Variants in FBXL3 observed in about 807,000 individuals in gnomAD.
FBXL3 encodes F-box and leucine rich repeat protein 3.
Under a neutral mutation model 37.9 loss-of-function variants are expected in FBXL3, and 14 were observed. The ratio of observed to expected loss-of-function variants is 0.37; its 90% CI spans 0.24 to 0.58. The LOEUF is 0.58. FBXL3 is among the 20% of genes least tolerant of loss of function. The pLI, the probability that FBXL3 is intolerant of heterozygous loss-of-function variation, is 0.74. For synonymous variants in FBXL3, 194 were observed against 180.1 expected, an observed-to-expected ratio of 1.08 and a Z score of -0.62; for missense variants, 327 against 511.1, an observed-to-expected ratio of 0.64 and a Z score of 3.47.
chr13:77,009,638 C>T (rs557532067), intron 4 of FBXL3: 18 of 152,294 alleles, frequency 1.2e-4, no homozygotes, highest in East Asian at 1.2e-3. Context: ...GAAATAGGAA[C>T]GCTATTACAG....
rs1455829706 is a variant in FBXL3, at chr13:77,007,064, A to C, written c.*81T>G. ...AAATTTCTGTGCCACAAAATAGTAG[A>C]ATTATATCAGAACTACAGCAAATAA... On this transcript the variant is annotated 3_prime_UTR_variant, in exon 5 of 5. Coordinates refer to ENST00000355619, the MANE Select transcript of FBXL3 (RefSeq NM_012158.4). 1 of 1,491,540 alleles carries C rather than the reference A, an allele frequency of 6.7e-7. No homozygotes were observed. Among genetic ancestry groups the C allele is most frequent in the East Asian group, 2.3e-5 (1 of 42,734 alleles). 92.4% of individuals were successfully genotyped at this position (1,491,540 alleles called of 1,614,324 possible).
At position 77,007,595 on chromosome 13, in the gene FBXL3, A is replaced by G. The variant is rs1566226097; in HGVS notation, c.837T>C (p.Ala279=). The part of the protein sequence containing the change: ...FHTIQKSSWD[A]FIRHSPKVNL... ...TCACTTTGGGTGAATGTCTGATGAA[A>G]GCATCCCAGCTACTCTTCTGAATAG... Residue 279 remains alanine (A), a synonymous_variant, in exon 5 of 5, where the codon GCT becomes GCC. Transcript: ENST00000355619. The G allele has an allele frequency of 1.2e-6, 2 of 1,614,090 alleles. No individual in the cohort carries two copies. The highest frequency in any genetic ancestry group is 1.7e-6 in the Non-Finnish European group (2 of 1,180,044).
chr13:77,023,345 A>AGAGAGAGTGTGTGTGTGT (rs199568005), intron 1 of FBXL3, among the ~76,000 whole-genome samples: 174 of 147,596 alleles, frequency 1.2e-3, no homozygotes, highest in Admixed American at 9.4e-3. Context: ...AGAGAGAGAG[A>AGAGAGAGTGTGTGTGTGT]GTGTGTGTGT....
chr13:77,017,456 CG>C (rs1566230394), intron 3 of FBXL3: 1 of 152,078 alleles, frequency 6.6e-6, no homozygotes, highest in Non-Finnish European at 1.5e-5. Flanking sequence ...TATTTCTTAG[CG>C]TGAGTTCCTT....
intron 2 of FBXL3, among the ~76,000 whole-genome samples, chr13:77,020,509 C>T (rs2154037617): frequency 6.6e-6 from 1 of 152,140 alleles, no homozygotes; most frequent in South Asian, 2.1e-4. Flanking sequence ...TTAGTTATGG[C>T]CAGAAGCTCT....
At chr13:77,020,603 T>C (rs987419264) in intron 2 of FBXL3, among the ~76,000 whole-genome samples, 1 of 7,912 alleles carries the variant, frequency 1.3e-4, no homozygotes, top group Non-Finnish European at 5.1e-4. Context: ...TATTCATGCA[T>C]TGTTTTTTTT....
At position 77,021,813 on chromosome 13, in the gene FBXL3, T is replaced by G. The variant is rs2034749541; in HGVS notation, c.48A>C (p.Gly16=). 1.2e-6 allele frequency: 2 copies of G among 1,613,470 alleles called. No homozygotes were observed. Among genetic ancestry groups the G allele is most frequent in the Admixed American group, 1.7e-5 (1 of 59,986 alleles). Residue 16 remains glycine (G), a synonymous_variant, in exon 2 of 5, where the codon GGA becomes GGC. Transcript: ENST00000355619. ...RDSDRNSSEE[G]TAEKSKKLRT... ...TCAGTTTCTTGGATTTCTCTGCAGT[T>G]CCTTCTTCTGATGAATTACGGTCAC...
intron 4 of FBXL3, chr13:77,012,778 G>A (rs964407747): frequency 6.6e-6 from 1 of 152,098 alleles, no homozygotes; most frequent in Non-Finnish European, 1.5e-5. Flanking sequence ...TATTACAAGT[G>A]TTCTTTCTTT....
chr13:77,023,895 G>C (rs1022491435), intron 1 of FBXL3, among the ~76,000 whole-genome samples: 1 of 152,218 alleles, frequency 6.6e-6, no homozygotes, highest in Non-Finnish European at 1.5e-5. Context: ...AAAGAGAATG[G>C]CAGAGGCCTC....
chr13:77,012,981 G>C (rs2034581334), intron 4 of FBXL3: 1 of 152,358 alleles, frequency 6.6e-6, no homozygotes, highest in African/African-American at 2.4e-5. Flanking sequence ...CACCATGTTG[G>C]CCAGGATGGT....
In FBXL3 at chr13:77,018,916, C is replaced by T. The variant is rs181583674; in HGVS notation, c.349-194G>A. 6.3e-5 allele frequency: 28 copies of T among 445,544 alleles called. 1 individual carries two copies. The highest frequency in any genetic ancestry group is 5.3e-4 in the African/African-American group (26 of 49,178). The allele number at this position is 445,544 out of a possible 1,614,324, so 27.6% of individuals were successfully genotyped here. On this transcript the variant is annotated intron_variant, in intron 2 of 4. Transcript: ENST00000355619. ...TTCTTTCAATCATCCACCCTCCACC[C>T]TCACCTCCAACTTGGCCTTTTCTAA...
rs373084825 is a variant in FBXL3 at position 77,005,883 on chromosome 13, T to TAAAA, written c.*1258_*1261dup. 1.0e-4 allele frequency: 16 copies of TAAAA among 152,566 alleles called. No homozygotes were observed. The highest frequency in any genetic ancestry group is 3.1e-4 in the African/African-American group (13 of 41,576). The allele number at this position is 152,566 out of a possible 1,614,324, so 9.5% of individuals were successfully genotyped here. A position where few individuals can be genotyped will look rare whatever the true frequency, so the allele number is the denominator to read the frequency against. On this transcript the variant is annotated 3_prime_UTR_variant, in exon 5 of 5. Transcript: ENST00000355619. ...CAGCATCAAAGTTTATATCATCTTT[T>TAAAA]AAAACTCAACATTTTATAGACTCTA...
chr13:77,025,027 A>C (rs1022123722), intron 1 of FBXL3, among the ~76,000 whole-genome samples: 1 of 152,230 alleles, frequency 6.6e-6, no homozygotes, highest in Non-Finnish European at 1.5e-5. Flanking sequence ...GTATCTTATT[A>C]AATCTATTTA....
rs1194181789 is a variant in FBXL3 at position 77,026,987 on chromosome 13, G to A, written c.-162C>T. On this transcript the variant is annotated 5_prime_UTR_variant, in exon 1 of 5. Coordinates refer to ENST00000355619, the MANE Select transcript of FBXL3 (RefSeq NM_012158.4). Reference sequence around the variant, plus strand: ...CGCCCGCATCCGAGGCGCTGGTCCCGCGGAGGGCGCCAACGCGGCTCCACC... The same window carrying A: ...CGCCCGCATCCGAGGCGCTGGTCCCACGGAGGGCGCCAACGCGGCTCCACC... The A allele has an allele frequency of 6.6e-6, 1 of 151,824 alleles. No homozygotes were observed. The highest frequency in any genetic ancestry group is 2.4e-5 in the African/African-American group (1 of 41,380). 9.4% of individuals were successfully genotyped at this position (151,824 alleles called of 1,614,324 possible).
intron 4 of FBXL3, among the ~76,000 whole-genome samples, chr13:77,011,939 A>T (rs565825534): frequency 6.6e-6 from 1 of 152,316 alleles, no homozygotes; most frequent in Admixed American, 6.5e-5. Flanking sequence ...GTATGTACCT[A>T]AGAGAAATTA....
intron 4 of FBXL3, among the ~76,000 whole-genome samples, chr13:77,012,249 T>C (rs576950656): frequency 2.8e-4 from 42 of 152,326 alleles, no homozygotes; most frequent in African/African-American, 9.6e-4. Flanking sequence ...GTGAATTATA[T>C]GCCAATAAAG....
rs377443823 is a variant in FBXL3, at chr13:77,020,506, T to C, written c.348+1007A>G. 1.8e-4 allele frequency among the ~76,000 whole-genome samples: 27 copies of C among 152,222 alleles called. No individual in the cohort carries two copies. The East Asian group carries it at 4.4e-3, about 25-fold the overall frequency. On this transcript the variant is annotated intron_variant, in intron 2 of 4. Coordinates refer to ENST00000355619, the MANE Select transcript of FBXL3 (RefSeq NM_012158.4). ...TCGAGGGAAGACAAGATTTTAGTTA[T>C]GGCCAGAAGCTCTGGGTTAAGAACT... is the stretch of plus-strand genomic sequence containing the variant.
intron 1 of FBXL3, 22 bp from the exon 2 acceptor site, chr13:77,021,883 T>C (rs769619231): frequency 1.9e-6 from 3 of 1,548,866 alleles, no homozygotes; most frequent in South Asian, 2.4e-5. Flanking sequence ...AATGCATCAG[T>C]TTTTTTCCTA....
At chr13:77,015,211 T>C (rs375421230) in intron 4 of FBXL3, 198 bp downstream of exon 4, 5 of 375,972 alleles carry the variant, frequency 1.3e-5, no homozygotes, top group African/African-American at 8.3e-5. Context: ...TCAAATAAGA[T>C]TAGAAAATAA....
Sources: gnomAD v4.1 joint callset for allele counts (sites outside exome capture counted in the v4.1 genomes callset) on GRCh38, gnomAD v4.1.1 for gene constraint, MANE v1.5 for transcripts, NCBI Gene and HGNC (gene_info 2026-07-23, HGNC 2026-07-21) for gene names.